RSPH3: variants seen among roughly 807,000 people sequenced by gnomAD.
The protein encoded by RSPH3 is radial spoke head protein 3 homolog.
In RSPH3, 21 loss-of-function variants were observed where a neutral mutation model predicts 43.8. The ratio of observed to expected loss-of-function variants is 0.48; its 90% CI spans 0.34 to 0.69. The LOEUF is 0.69. Ranked by LOEUF, RSPH3 falls within the 30% of genes least tolerant of loss-of-function variation. The pLI is 0.01. For synonymous variants in RSPH3, 173 were observed against 179.8 expected, an observed-to-expected ratio of 0.96 and a Z score of 0.30; for missense variants, 487 against 516.0, an observed-to-expected ratio of 0.94 and a Z score of 0.54.
rs1011886033 is a variant in RSPH3, at chr6:158,999,883, C to T, written c.-333G>A. On this transcript the variant is annotated 5_prime_UTR_variant, in exon 1 of 8. Transcript: ENST00000367069. ...ACTGCGGCACAAGGGACTTCCGGCT[C>T]TTGACTCCGCCCAGCCGCGCCACCC... 1.9e-6 allele frequency: 3 copies of T among 1,613,428 alleles called. No individual in the cohort carries two copies. Among genetic ancestry groups the T allele is most frequent in the Non-Finnish European group, 2.5e-6 (3 of 1,179,930 alleles).
rs945799331 is a variant in RSPH3, at chr6:158,982,482, T to C, written c.696+3A>G. On this transcript the variant is annotated splice_donor_region_variant and intron_variant, in intron 5 of 7. Transcript: ENST00000367069. ...CTAAGAAAGAAAATATAATTATATA[T>C]ACTTTTTCTTCTCGGTGTCGCCTCT... 5.7e-6 allele frequency: 9 copies of C among 1,586,124 alleles called. No homozygotes were observed. Among genetic ancestry groups the C allele is most frequent in the African/African-American group, 1.4e-5 (1 of 73,706 alleles).
rs1457574619 is a variant in RSPH3 at position 158,999,284 on chromosome 6, GGA to G, written c.116+149_116+150del. 3 of 657,342 alleles carry G rather than the reference GGA, an allele frequency of 4.6e-6. No individual in the cohort carries two copies. In the African/African-American group the frequency reaches 5.6e-5, roughly 12 times the overall value. The allele number at this position is 657,342 out of a possible 1,614,324, so 40.7% of individuals were successfully genotyped here. A position where few individuals can be genotyped will look rare whatever the true frequency, so the allele number is the denominator to read the frequency against. ...TCCTGCTTCACTCCTCCACACCACG[GGA>G]GATTCCTTAGGGCAGAACTTTTATT... is the stretch of plus-strand genomic sequence containing the variant. On this transcript the variant is annotated intron_variant, in intron 1 of 7. Transcript: ENST00000367069.
chr6:158,995,787 G>C (rs1778571967), intron 1 of RSPH3, among the ~76,000 whole-genome samples: 1 of 151,916 alleles, frequency 6.6e-6, no homozygotes, highest in Admixed American at 6.6e-5. Context: ...TTTTAGTAGA[G>C]ACGGGGTTTC....
At chr6:158,998,708 T>A (rs768329284) in intron 1 of RSPH3, among the ~76,000 whole-genome samples, 1 of 129,886 alleles carries the variant, frequency 7.7e-6, no homozygotes, top group Non-Finnish European at 1.6e-5. Context: ...ATACAAAGAT[T>A]AGCCGGGGGT....
At position 158,978,252 on chromosome 6, in the gene RSPH3, T is replaced by G; in HGVS notation, c.946+8A>C. 1.4e-6 allele frequency: 2 copies of G among 1,445,844 alleles called. No individual in the cohort carries two copies. Among genetic ancestry groups the G allele is most frequent in the Non-Finnish European group, 1.9e-6 (2 of 1,035,934 alleles). The allele number at this position is 1,445,844 out of a possible 1,614,324, so 89.6% of individuals were successfully genotyped here. On this transcript the variant is annotated splice_region_variant and intron_variant, in intron 7 of 7. Transcript: ENST00000367069. Reference sequence around the variant, plus strand: ...TTTAGAGATGAATTTTTGGATAAAATAACTTACTGTCAAGCACTGTTCTTC... The same window carrying G: ...TTTAGAGATGAATTTTTGGATAAAAGAACTTACTGTCAAGCACTGTTCTTC...
intron 2 of RSPH3, among the ~76,000 whole-genome samples, chr6:158,986,991 G>A (rs1356348839): frequency 6.6e-6 from 1 of 152,186 alleles, no homozygotes; most frequent in African/African-American, 2.4e-5. Flanking sequence ...GGTCTAGTGT[G>A]AAGTTTAACA....
chr6:158,980,360 C>A (rs567729967), intron 6 of RSPH3, among the ~76,000 whole-genome samples: 3 of 151,098 alleles, frequency 2.0e-5, no homozygotes, highest in East Asian at 3.9e-4. Context: ...ACCCAGGAGG[C>A]GGAGGTTGCA....
intron 1 of RSPH3, among the ~76,000 whole-genome samples, chr6:158,997,851 A>AACCCTGTCTCTAC (rs1554291344): frequency 6.6e-6 from 1 of 152,010 alleles, no homozygotes; most frequent in Non-Finnish European, 1.5e-5. Flanking sequence ...TAAATTTTCT[A>AACCCTGTCTCTAC]TTTTAGTTTT....
chr6:158,992,457 GT>G lies in RSPH3; in HGVS notation c.204+1381del, dbSNP rs35383020. Among the ~76,000 whole-genome samples, 365 of 127,898 alleles carry G rather than the reference GT, an allele frequency of 2.9e-3. 2 individuals are homozygous for G. The highest frequency in any genetic ancestry group is 0.015 in the East Asian group (69 of 4,578). The allele number at this position is 127,898 out of a possible 152,430, so 83.9% of individuals were successfully genotyped here. ...ACCATGCCCAGCTAATTTTTGTGGG[GT>G]TTTTTTTTTTTTTTTTTGTAGAGAC... On this transcript the variant is annotated intron_variant, in intron 2 of 7. Coordinates refer to ENST00000367069, the MANE Select transcript of RSPH3 (RefSeq NM_031924.8).
In RSPH3 at chr6:158,991,242, T is replaced by C. The variant is rs570908316; in HGVS notation, c.204+2597A>G. Among the ~76,000 whole-genome samples, 21 of 152,374 alleles carry C rather than the reference T, an allele frequency of 1.4e-4. No homozygotes were observed. The South Asian group carries it at 4.3e-3, about 32-fold the overall frequency. On this transcript the variant is annotated intron_variant, in intron 2 of 7. Coordinates refer to ENST00000367069, the MANE Select transcript of RSPH3 (RefSeq NM_031924.8). ...CTTGATTGTCTTTCCTCATGCAAGTTGTGACTGTCCTGATTCTTGTATGAT... is the reference window on the plus strand; with the variant it reads ...CTTGATTGTCTTTCCTCATGCAAGTCGTGACTGTCCTGATTCTTGTATGAT...
At chr6:158,998,076 A>G (rs1451601728) in intron 1 of RSPH3, among the ~76,000 whole-genome samples, 1 of 152,026 alleles carries the variant, frequency 6.6e-6, no homozygotes, top group Non-Finnish European at 1.5e-5. Flanking sequence ...TTGCATTCCT[A>G]TAAAGTTCTG....
chr6:158,972,199 T>C (rs1490979051), downstream of RSPH3, among the ~76,000 whole-genome samples: 1 of 152,194 alleles, frequency 6.6e-6, no homozygotes, highest in Non-Finnish European at 1.5e-5. Context: ...ACAATGTTAT[T>C]GGCTAAGCAT....
At chr6:158,968,995 A>T (rs2128603438), downstream of RSPH3, among the ~76,000 whole-genome samples, 1 of 152,344 alleles carries the variant, frequency 6.6e-6, no homozygotes, top group East Asian at 1.9e-4. Flanking sequence ...CCATTAATAC[A>T]GTTTTATAAT....
intron 3 of RSPH3, among the ~76,000 whole-genome samples, chr6:158,984,583 T>C (rs1006617777): frequency 2.0e-5 from 3 of 151,142 alleles, no homozygotes; most frequent in Admixed American, 6.6e-5. Context: ...CACTACAGAT[T>C]ATAAACAGAT....
the RSPH3 span, among the ~76,000 whole-genome samples, chr6:158,963,067 A>G: frequency 1.3e-5 from 2 of 152,342 alleles, no homozygotes; most frequent in Non-Finnish European, 2.9e-5. Context: ...CATTAAATCA[A>G]TAATTGCACT....
At chr6:158,995,616 A>G (rs1259444937) in intron 1 of RSPH3, among the ~76,000 whole-genome samples, 1 of 151,574 alleles carries the variant, frequency 6.6e-6, no homozygotes, top group Non-Finnish European at 1.5e-5. Context: ...TTTTTTTGAG[A>G]CAGAGTCTCA....
Position 158,983,766 on chromosome 6 carries a change from C to A in RSPH3, c.388G>T (p.Asp130Tyr). ...EEIADRIIEV[D>Y]MECQTDAFLD... ...AATGCATCTGTTTGGCATTCCATAT[C>A]AACTTCTATTATGCGATCAGCAATT... is the stretch of plus-strand genomic sequence containing the variant. Residue 130 changes from aspartate (D) to tyrosine (Y), a missense_variant, in exon 4 of 8, where the codon GAT (aspartate) becomes TAT (tyrosine). Physicochemically the swap from Asp to Tyr is radical, Grantham distance 160. Coordinates refer to ENST00000367069, the MANE Select transcript of RSPH3 (RefSeq NM_031924.8). 1 of 1,603,980 alleles carries A rather than the reference C, an allele frequency of 6.2e-7. No individual in the cohort carries two copies. Among genetic ancestry groups the A allele is most frequent in the Non-Finnish European group, 8.5e-7 (1 of 1,170,878 alleles).
At chr6:158,998,468 C>CA (rs567802659) in intron 1 of RSPH3, among the ~76,000 whole-genome samples, 6,628 of 79,268 alleles carry the variant, frequency 0.084, 335 homozygotes, top group Non-Finnish European at 0.14. Flanking sequence ...GACTCCGTCT[C>CA]AAAAAAAAAA....
rs1169824981 is a variant in RSPH3 at position 158,975,868 on chromosome 6, T to C, written c.*1670A>G. ...AAGTTATTTTAAATCACTACGTTTA[T>C]ATATGTGTAAGTATTTTGCGAAAAA... is the stretch of plus-strand genomic sequence containing the variant. On this transcript the variant is annotated 3_prime_UTR_variant, in exon 8 of 8. Coordinates refer to ENST00000367069, the MANE Select transcript of RSPH3 (RefSeq NM_031924.8). 2.0e-5 allele frequency: 3 copies of C among 152,164 alleles called. No homozygotes were observed. The highest frequency in any genetic ancestry group is 4.8e-5 in the African/African-American group (2 of 41,450). 9.4% of individuals were successfully genotyped at this position (152,164 alleles called of 1,614,324 possible).
Sources: gnomAD v4.1 joint callset for allele counts (sites outside exome capture counted in the v4.1 genomes callset) on GRCh38, gnomAD v4.1.1 for gene constraint, MANE v1.5 for transcripts, NCBI Gene and HGNC (gene_info 2026-07-23, HGNC 2026-07-21) for gene names.